Variants in DMD observed in about 807,000 individuals in gnomAD.
DMD encodes mutant dystrophin.
A neutral mutation model predicts 330.1 loss-of-function variants in DMD; 63 were observed. The ratio of observed to expected loss-of-function variants is 0.19; its 90% CI spans 0.16 to 0.24. The LOEUF (loss-of-function observed/expected upper bound fraction) is 0.24, where lower values mean the gene tolerates loss of function less well. DMD is among the 10% of genes least tolerant of loss of function. DMD has a pLI of 1.00. For missense variants in DMD, 3,344 were observed against 2,684.1 expected (o/e 1.25, Z -5.43); for synonymous variants, 1,223 against 959.8 (o/e 1.27, Z -5.07).
At chrX:31,196,364 T>C (rs983958269) in intron 67 of DMD, among the ~76,000 whole-genome samples, 1 of 111,066 alleles carries the variant, frequency 9.0e-6, no homozygotes, top group Non-Finnish European at 1.9e-5. Flanking sequence ...GTAGTAACTC[T>C]TACTAATTAC....
intron 60 of DMD, among the ~76,000 whole-genome samples, chrX:31,410,582 A>G (rs1184224636): frequency 1.8e-5 from 2 of 110,765 alleles, no homozygotes; most frequent in Admixed American, 9.7e-5. Flanking sequence ...GCCTCCTGTC[A>G]TCTTTGTTTT....
chrX:31,656,358 T>A (rs781040567), intron 54 of DMD, among the ~76,000 whole-genome samples: 1 of 112,057 alleles, frequency 8.9e-6, no homozygotes, highest in African/African-American at 3.2e-5. Context: ...AACAATTTTT[T>A]AAAAAACTGA....
At chrX:32,597,557 C>A (rs1184976716) in intron 12 of DMD, among the ~76,000 whole-genome samples, 1 of 111,990 alleles carries the variant, frequency 8.9e-6, no homozygotes, top group East Asian at 2.8e-4. Context: ...TTGGTCTCAA[C>A]TGAACCCTAG....
intron 51 of DMD, among the ~76,000 whole-genome samples, chrX:31,737,235 A>G: frequency 8.9e-6 from 1 of 112,357 alleles, no homozygotes; most frequent in Non-Finnish European, 1.9e-5. Context: ...ATATACTTAC[A>G]AGGTACTCAT....
intron 1 of DMD, among the ~76,000 whole-genome samples, chrX:33,222,337 T>C (rs1478309227): frequency 8.9e-6 from 1 of 112,086 alleles, no homozygotes; most frequent in East Asian, 2.8e-4. Flanking sequence ...TTTGACAAAC[T>C]GATATATCTA....
At chrX:31,707,783 CT>C (rs1173244502) in intron 52 of DMD, among the ~76,000 whole-genome samples, 1 of 111,115 alleles carries the variant, frequency 9.0e-6, no homozygotes, top group Non-Finnish European at 1.9e-5. Flanking sequence ...TGTTTGCAAG[CT>C]TTCAGTTCAC....
At chrX:32,008,370 G>T (rs1433690042) in intron 44 of DMD, among the ~76,000 whole-genome samples, 1 of 112,108 alleles carries the variant, frequency 8.9e-6, no homozygotes, top group Non-Finnish European at 1.9e-5. Context: ...GCCAAATCTT[G>T]TTGAGCATTT....
At chrX:32,375,881 TC>T (rs2097900663) in intron 34 of DMD, among the ~76,000 whole-genome samples, 1 of 111,919 alleles carries the variant, frequency 8.9e-6, no homozygotes, top group Non-Finnish European at 1.9e-5. Flanking sequence ...TAGGCAACCT[TC>T]CCCTTCCTTT....
At chrX:32,787,070 C>T (rs1211372948) in intron 7 of DMD, among the ~76,000 whole-genome samples, 1 of 111,110 alleles carries the variant, frequency 9.0e-6, no homozygotes, top group Admixed American at 9.6e-5. Context: ...CAAGAGAAAA[C>T]CTAGTTATAC....
intron 1 of DMD, among the ~76,000 whole-genome samples, chrX:33,265,312 C>G (rs2053025152): frequency 9.0e-6 from 1 of 110,900 alleles, no homozygotes; most frequent in Non-Finnish European, 1.9e-5. Flanking sequence ...TCCATGAAAT[C>G]TCCAAAAGTC....
chrX:32,319,751 G>A (rs1043122591), intron 41 of DMD, among the ~76,000 whole-genome samples: 3 of 110,553 alleles, frequency 2.7e-5, no homozygotes, highest in African/African-American at 9.9e-5. Flanking sequence ...ATGACATATA[G>A]ACGATATTAA....
chrX:32,751,378 A>G (rs892236382), intron 7 of DMD, among the ~76,000 whole-genome samples: 3 of 111,504 alleles, frequency 2.7e-5, no homozygotes, highest in Non-Finnish European at 5.6e-5. Context: ...GACTCATTAT[A>G]TTTTAGCAAA....
At chrX:31,757,707 C>A (rs372680083) in intron 51 of DMD, among the ~76,000 whole-genome samples, 4 of 110,261 alleles carry the variant, frequency 3.6e-5, no homozygotes, top group Non-Finnish European at 7.6e-5. Flanking sequence ...AATCACCCCC[C>A]CAAACCCCCA....
intron 57 of DMD, among the ~76,000 whole-genome samples, chrX:31,486,812 C>A (rs773770717): frequency 1.8e-4 from 20 of 112,100 alleles, no homozygotes; most frequent in Middle Eastern, 4.6e-3. Flanking sequence ...TTTTATGTCT[C>A]CTGTATTGTT....
chrX:31,933,297 T>C (rs1178023370), intron 45 of DMD, among the ~76,000 whole-genome samples: 2 of 111,568 alleles, frequency 1.8e-5, no homozygotes, highest in East Asian at 5.6e-4. Context: ...AACACTAAAT[T>C]ATTACATGCT....
At chrX:33,297,575 T>C (rs150782095) in intron 1 of DMD, among the ~76,000 whole-genome samples, 1 of 111,386 alleles carries the variant, frequency 9.0e-6, no homozygotes, top group African/African-American at 3.3e-5. Context: ...AGCCAAGATA[T>C]AGCCACAACC....
At chrX:32,480,646 A>C (rs977155581) in intron 21 of DMD, among the ~76,000 whole-genome samples, 8 of 106,535 alleles carry the variant, frequency 7.5e-5, no homozygotes, top group African/African-American at 2.7e-4. Context: ...ACGTATATGC[A>C]CACACAACTT....
At chrX:32,709,415 T>A (rs1408012846) in intron 7 of DMD, among the ~76,000 whole-genome samples, 1 of 111,960 alleles carries the variant, frequency 8.9e-6, no homozygotes, top group Non-Finnish European at 1.9e-5. Flanking sequence ...TTCATTAAAA[T>A]GTATATACTA....
At chrX:32,414,503 T>G (rs144002289) in intron 29 of DMD, among the ~76,000 whole-genome samples, 1,281 of 112,095 alleles carry the variant, frequency 0.011, 7 homozygotes, top group Non-Finnish European at 0.018. Context: ...ATTAATGGTC[T>G]GCATTTACTT....
Sources: gnomAD v4.1 joint callset for allele counts (sites outside exome capture counted in the v4.1 genomes callset) on GRCh38, gnomAD v4.1.1 for gene constraint, MANE v1.5 for transcripts, NCBI Gene and HGNC (gene_info 2026-07-23, HGNC 2026-07-21) for gene names.